CNTN5: variants seen among roughly 807,000 people sequenced by gnomAD.
CNTN5 encodes contactin-5.
A neutral mutation model predicts 129.1 loss-of-function variants in CNTN5; 77 were observed. The ratio of observed to expected loss-of-function variants is 0.60; its 90% CI spans 0.50 to 0.72. The LOEUF (loss-of-function observed/expected upper bound fraction) is 0.72, where lower values mean the gene tolerates loss of function less well. CNTN5 is among the 30% of genes least tolerant of loss of function. CNTN5 has a pLI of 0.00. For synonymous variants in CNTN5, 509 were observed against 465.6 expected, an observed-to-expected ratio of 1.09 and a Z score of -1.20; for missense variants, 1,478 against 1,328.8, an observed-to-expected ratio of 1.11 and a Z score of -1.75.
At chr11:99,340,129 G>A (rs1257657606) in intron 2 of CNTN5, among the ~76,000 whole-genome samples, 1 of 152,174 alleles carries the variant, frequency 6.6e-6, no homozygotes, top group Non-Finnish European at 1.5e-5. Flanking sequence ...TAGAGGGTGG[G>A]AGTTCCCTAG....
At chr11:99,501,929 G>T (rs553141040) in intron 2 of CNTN5, among the ~76,000 whole-genome samples, 1 of 152,206 alleles carries the variant, frequency 6.6e-6, no homozygotes, top group East Asian at 1.9e-4. Context: ...TCTTTTATTA[G>T]CGTAAATGAT....
At chr11:100,351,435 G>A (rs950058533) in intron 24 of CNTN5, among the ~76,000 whole-genome samples, 3 of 151,110 alleles carry the variant, frequency 2.0e-5, no homozygotes, top group African/African-American at 7.3e-5. Flanking sequence ...ACAATCATAT[G>A]AGATAGGTGA....
In CNTN5 at chr11:99,958,471, C is replaced by A. The variant is rs1444900977; in HGVS notation, c.877+1462C>A. 2.0e-5 allele frequency among the ~76,000 whole-genome samples: 3 copies of A among 152,148 alleles called. No individual in the cohort carries two copies. In the South Asian group the frequency reaches 6.2e-4, roughly 32 times the overall value. On this transcript the variant is annotated intron_variant, in intron 8 of 24. Coordinates refer to ENST00000524871, the MANE Select transcript of CNTN5 (RefSeq NM_014361.4). ...GGAATTCAGTTTTGAATATGAGATACAGGGTACATGGGAAATCCATGTGAA... is the reference window on the plus strand; with the variant it reads ...GGAATTCAGTTTTGAATATGAGATAAAGGGTACATGGGAAATCCATGTGAA...
chr11:99,429,299 T>C (rs930388367), intron 2 of CNTN5, among the ~76,000 whole-genome samples: 4 of 152,184 alleles, frequency 2.6e-5, no homozygotes, highest in Non-Finnish European at 5.9e-5. Context: ...AGACATTATA[T>C]ATATGACACA....
chr11:99,678,134 A>C (rs1234666105), intron 3 of CNTN5, among the ~76,000 whole-genome samples: 1 of 152,118 alleles, frequency 6.6e-6, no homozygotes, highest in Non-Finnish European at 1.5e-5. Flanking sequence ...TTGTTGAATA[A>C]GTTATATCAC....
At chr11:99,932,923 A>G (rs568046457) in intron 7 of CNTN5, among the ~76,000 whole-genome samples, 1 of 152,274 alleles carries the variant, frequency 6.6e-6, no homozygotes, top group South Asian at 2.1e-4. Flanking sequence ...CACAACAGTC[A>G]TTTATGACAT....
At chr11:99,522,153 G>A (rs990983494) in intron 2 of CNTN5, among the ~76,000 whole-genome samples, 4 of 152,090 alleles carry the variant, frequency 2.6e-5, no homozygotes, top group African/African-American at 4.8e-5. Context: ...GACAGCAGAA[G>A]GAGAGAATAT....
intron 2 of CNTN5, among the ~76,000 whole-genome samples, chr11:99,423,242 T>C (rs1436148083): frequency 6.6e-6 from 1 of 152,182 alleles, no homozygotes; most frequent in Non-Finnish European, 1.5e-5. Context: ...GCTATGGTCT[T>C]TACTCAGAGG....
chr11:99,584,137 A>G (rs1347334635), intron 3 of CNTN5, among the ~76,000 whole-genome samples: 1 of 152,210 alleles, frequency 6.6e-6, no homozygotes, highest in Non-Finnish European at 1.5e-5. Context: ...TCTTCAAACT[A>G]ATTTTTCAAT....
chr11:99,104,614 G>A (rs1358267642), intron 1 of CNTN5, among the ~76,000 whole-genome samples: 1 of 114,668 alleles, frequency 8.7e-6, no homozygotes. Flanking sequence ...TACAATGTGT[G>A]TGTATATATA....
At chr11:99,932,849 G>A (rs1199886360) in intron 7 of CNTN5, among the ~76,000 whole-genome samples, 1 of 152,128 alleles carries the variant, frequency 6.6e-6, no homozygotes, top group Non-Finnish European at 1.5e-5. Context: ...TTCCTCATTA[G>A]CATTCCTAAG....
At chr11:99,266,382 T>G (rs1862890339) in intron 1 of CNTN5, among the ~76,000 whole-genome samples, 1 of 152,010 alleles carries the variant, frequency 6.6e-6, no homozygotes, top group Non-Finnish European at 1.5e-5. Context: ...GAGGATCGCT[T>G]GAGGCCAAGA....
At chr11:99,884,037 AC>A (rs922154484) in intron 6 of CNTN5, among the ~76,000 whole-genome samples, 1 of 152,136 alleles carries the variant, frequency 6.6e-6, no homozygotes, top group Non-Finnish European at 1.5e-5. Flanking sequence ...TAGTGTTCAA[AC>A]AAGTTGGAAG....
intron 6 of CNTN5, among the ~76,000 whole-genome samples, chr11:99,885,054 G>A (rs186268214): frequency 6.6e-6 from 1 of 152,224 alleles, no homozygotes. Context: ...GGGGTGAGGA[G>A]AGTGTATCAC....
intron 13 of CNTN5, among the ~76,000 whole-genome samples, chr11:100,122,939 A>G (rs1421331356): frequency 6.6e-6 from 1 of 152,078 alleles, no homozygotes; most frequent in Admixed American, 6.6e-5. Flanking sequence ...GCAATATCCA[A>G]AGGAAAATTA....
At chr11:99,092,980 G>A (rs1866316436) in intron 1 of CNTN5, among the ~76,000 whole-genome samples, 1 of 151,704 alleles carries the variant, frequency 6.6e-6, no homozygotes, top group African/African-American at 2.4e-5. Flanking sequence ...TAAGAAATGG[G>A]TTCTCCAATT....
At chr11:99,666,313 C>T (rs1952791335) in intron 3 of CNTN5, among the ~76,000 whole-genome samples, 1 of 152,124 alleles carries the variant, frequency 6.6e-6, no homozygotes, top group Non-Finnish European at 1.5e-5. Context: ...CAGTCTACAA[C>T]AGAAAGTGAA....
At chr11:99,036,529 T>C (rs1863743117) in intron 1 of CNTN5, among the ~76,000 whole-genome samples, 1 of 152,298 alleles carries the variant, frequency 6.6e-6, no homozygotes, top group Non-Finnish European at 1.5e-5. Flanking sequence ...TTATTTCTCA[T>C]ATGAAAACAA....
chr11:100,057,253 TATAA>T (rs1251790082), intron 9 of CNTN5, among the ~76,000 whole-genome samples: 1 of 147,920 alleles, frequency 6.8e-6, no homozygotes, highest in Non-Finnish European at 1.5e-5. Flanking sequence ...AGTATAAATA[TATAA>T]ATATATATAA....
Sources: gnomAD v4.1 joint callset for allele counts (sites outside exome capture counted in the v4.1 genomes callset) on GRCh38, gnomAD v4.1.1 for gene constraint, MANE v1.5 for transcripts, NCBI Gene and HGNC (gene_info 2026-07-23, HGNC 2026-07-21) for gene names.